The following SETX variants were observed in gnomAD, a reference collection of about 807,000 sequenced individuals.
The protein encoded by SETX is senataxin, also known as helicase senataxin.
A neutral mutation model predicts 227.2 loss-of-function variants in SETX; 90 were observed. The observed-to-expected ratio is 0.40, with a 90% CI of 0.33 to 0.47. The LOEUF (loss-of-function observed/expected upper bound fraction) is 0.47, where lower values mean the gene tolerates loss of function less well. Ranked by LOEUF, SETX falls within the 20% of genes least tolerant of loss-of-function variation. SETX has a pLI of 0.91. For missense variants in SETX, 3,052 were observed against 3,181.5 expected (o/e 0.96, Z 0.98); for synonymous variants, 1,210 against 1,113.2 (o/e 1.09, Z -1.73).
intron 10 of SETX, among the ~76,000 whole-genome samples, chr9:132,312,295 T>C (rs1325865098): frequency 6.6e-6 from 1 of 152,140 alleles, no homozygotes; most frequent in Non-Finnish European, 1.5e-5. Flanking sequence ...CTCACCAACA[T>C]GTCATCCTGC....
intron 15 of SETX, among the ~76,000 whole-genome samples, chr9:132,291,090 A>G (rs954647496): frequency 5.4e-5 from 8 of 149,182 alleles, no homozygotes; most frequent in African/African-American, 7.4e-5. Flanking sequence ...TATCTACAGC[A>G]TATTTTTTAT....
chr9:132,293,325 C>T (rs1325015079), intron 15 of SETX, among the ~76,000 whole-genome samples: 3 of 152,108 alleles, frequency 2.0e-5, no homozygotes, highest in African/African-American at 7.2e-5. Flanking sequence ...CAAGTCATTT[C>T]CTTAAAGGAG....
At chr9:132,271,437 T>C (rs1271999656) in intron 24 of SETX, among the ~76,000 whole-genome samples, 3 of 152,142 alleles carry the variant, frequency 2.0e-5, no homozygotes, top group Non-Finnish European at 4.4e-5. Flanking sequence ...TGGTAGCACA[T>C]GCCTGTAGTC....
chr9:132,292,190 C>A (rs1279832391), intron 15 of SETX, among the ~76,000 whole-genome samples: 1 of 151,948 alleles, frequency 6.6e-6, no homozygotes, highest in Non-Finnish European at 1.5e-5. Context: ...TGCCTGTAAT[C>A]CCAGCACCTT....
intron 11 of SETX, among the ~76,000 whole-genome samples, chr9:132,303,808 C>T (rs1398596948): frequency 2.0e-5 from 3 of 152,228 alleles, no homozygotes; most frequent in Non-Finnish European, 4.4e-5. Context: ...TACTACTACA[C>T]ACCCGTCTGA....
rs752863416 is a variant in SETX at position 132,283,348 on chromosome 9, C to A, written c.6462G>T (p.Thr2154=). The A allele has an allele frequency of 1.2e-6, 2 of 1,614,052 alleles. No homozygotes were observed. The highest frequency in any genetic ancestry group is 1.7e-5 in the Admixed American group (1 of 59,998). The change falls in exon 19 of 26, where the codon ACG becomes ACT. Residue 2154 remains threonine, a synonymous_variant. Coordinates refer to ENST00000224140, the MANE Select transcript of SETX (RefSeq NM_015046.7). ...GTAGTAAACCACCACTTGTGCTCAA[C>A]GTGCAGCAGATGATATGGGACTCTA... ...IILESHIICC[T]LSTSGGLLLE...
At chr9:132,293,199 C>T (rs1844446426) in intron 15 of SETX, among the ~76,000 whole-genome samples, 1 of 152,034 alleles carries the variant, frequency 6.6e-6, no homozygotes, top group African/African-American at 2.4e-5. Flanking sequence ...CCATTTGAAG[C>T]ATGCAATAAA....
chr9:132,303,617 TAATA>T (rs1845156094), intron 11 of SETX, among the ~76,000 whole-genome samples: 1 of 151,816 alleles, frequency 6.6e-6, no homozygotes, highest in Non-Finnish European at 1.5e-5. Flanking sequence ...TATATAAATA[TAATA>T]AATAACTTGT....
intron 5 of SETX, among the ~76,000 whole-genome samples, chr9:132,337,229 G>C (rs2062532380): frequency 6.6e-6 from 1 of 151,928 alleles, no homozygotes; most frequent in Non-Finnish European, 1.5e-5. Flanking sequence ...AAAGCTAACT[G>C]ATGGATTATG....
intron 10 of SETX, among the ~76,000 whole-genome samples, chr9:132,326,065 CTTTT>C (rs1245990602): frequency 3.3e-5 from 5 of 150,978 alleles, no homozygotes; most frequent in Admixed American, 6.6e-5. Context: ...TTTAACTATA[CTTTT>C]TTTTGTTTTT....
chr9:132,344,248 C>T (rs1006034563), intron 4 of SETX, among the ~76,000 whole-genome samples: 2 of 152,208 alleles, frequency 1.3e-5, no homozygotes, highest in Non-Finnish European at 2.9e-5. Context: ...GGGTCTTGCG[C>T]TGTTGCCCAG....
chr9:132,299,069 T>C (rs1844839626), intron 12 of SETX, among the ~76,000 whole-genome samples: 1 of 152,214 alleles, frequency 6.6e-6, no homozygotes, highest in Non-Finnish European at 1.5e-5. Context: ...CAGGAGGCAC[T>C]AGTAGACGTG....
chr9:132,335,198 G>A (rs561068647), intron 6 of SETX, among the ~76,000 whole-genome samples: 9 of 151,698 alleles, frequency 5.9e-5, no homozygotes, highest in Admixed American at 3.3e-4. Context: ...AGACCATCCT[G>A]GCTAACATGG....
At chr9:132,346,176 A>T in intron 4 of SETX, 85 bp downstream of exon 4, 1 of 1,111,958 alleles carries the variant, frequency 9.0e-7, no homozygotes, top group Non-Finnish European at 1.3e-6. Context: ...TTTAGCAAAC[A>T]AATTTGCAAT....
intron 11 of SETX, among the ~76,000 whole-genome samples, chr9:132,301,322 C>A (rs1417195386): frequency 2.6e-5 from 4 of 151,820 alleles, no homozygotes; most frequent in Non-Finnish European, 4.4e-5. Context: ...CTCCTGACCT[C>A]GTGATCCGCC....
chr9:132,328,701 G>C lies in SETX; in HGVS notation c.2897C>G (p.Ser966Cys). 6.2e-7 allele frequency: 1 copy of C among 1,613,876 alleles called. No homozygotes were observed. The highest frequency in any genetic ancestry group is 8.5e-7 in the Non-Finnish European group (1 of 1,179,876). ...AATAACACTGGCTTGAGCTAGTAAA[G>C]ATAATTTGTGAAGGTCTCTGTCTAT... The part of the protein sequence containing the change: ...SQIDRDLHKL[S>C]LLAQASVITF... The change falls in exon 10 of 26, where the codon TCT becomes TGT. Residue 966 changes from serine (S) to cysteine (C), a missense_variant. By Grantham distance (112) the Ser-to-Cys change is moderately radical. Transcript: ENST00000224140.
chr9:132,314,239 CCCA>C (rs1180680412), intron 10 of SETX, among the ~76,000 whole-genome samples: 1 of 151,994 alleles, frequency 6.6e-6, no homozygotes, highest in Non-Finnish European at 1.5e-5. Context: ...ATTACAGGCG[CCCA>C]CCACCACGCC....
intron 10 of SETX, among the ~76,000 whole-genome samples, chr9:132,316,298 T>G (rs554458561): frequency 3.3e-5 from 5 of 152,358 alleles, no homozygotes; most frequent in African/African-American, 1.2e-4. Context: ...TCTACTGATT[T>G]CCCTGTTTTT....
At chr9:132,343,367 T>C (rs1389110700) in intron 4 of SETX, among the ~76,000 whole-genome samples, 1 of 152,104 alleles carries the variant, frequency 6.6e-6, no homozygotes, top group Non-Finnish European at 1.5e-5. Flanking sequence ...ACACTTAGGA[T>C]AATTATCTCC....
Sources: gnomAD v4.1 joint callset for allele counts (sites outside exome capture counted in the v4.1 genomes callset) on GRCh38, gnomAD v4.1.1 for gene constraint, MANE v1.5 for transcripts, NCBI Gene and HGNC (gene_info 2026-07-23, HGNC 2026-07-21) for gene names.